The following PARP8 variants were observed in gnomAD, a reference collection of about 807,000 sequenced individuals.
PARP8 encodes the protein protein mono-ADP-ribosyltransferase PARP8.
A neutral mutation model predicts 124.1 loss-of-function variants in PARP8; 51 were observed. The observed-to-expected ratio is 0.41, with a 90% confidence interval of 0.33 to 0.52. The LOEUF (loss-of-function observed/expected upper bound fraction) is 0.52. Among genes scored for constraint, PARP8 ranks in the 20% least tolerant of loss-of-function variants. The pLI is 0.21. For missense variants in PARP8, 860 were observed against 1,018.9 expected, an observed-to-expected ratio of 0.84 and a Z score of 2.12; for synonymous variants, 391 against 361.5, an observed-to-expected ratio of 1.08 and a Z score of -0.93.
At chr5:50,725,165 T>A (rs575594924) in intron 2 of PARP8, among the ~76,000 whole-genome samples, 185 of 151,484 alleles carry the variant, frequency 1.2e-3, no homozygotes, top group Admixed American at 4.7e-3. Context: ...TATATATATA[T>A]AAAACATGTT....
intron 15 of PARP8, 55 bp downstream of exon 15, chr5:50,815,579 G>T (rs1292337222): frequency 2.3e-6 from 3 of 1,288,876 alleles, no homozygotes; most frequent in Non-Finnish European, 3.2e-6. Context: ...ATTTGTTCCA[G>T]TCCACTAGTT....
At chr5:50,745,680 A>C (rs560379344) in intron 2 of PARP8, among the ~76,000 whole-genome samples, 1 of 152,194 alleles carries the variant, frequency 6.6e-6, no homozygotes, top group Non-Finnish European at 1.5e-5. Flanking sequence ...AAATGAAGCA[A>C]TTGCCATTGG....
chr5:50,786,857 C>G (rs1488537367), intron 9 of PARP8, among the ~76,000 whole-genome samples: 2 of 152,132 alleles, frequency 1.3e-5, no homozygotes, highest in East Asian at 1.9e-4. Flanking sequence ...TATATATACT[C>G]TGTTCCAAAT....
At chr5:50,837,140 A>G (rs1426347281) in intron 25 of PARP8, among the ~76,000 whole-genome samples, 2 of 152,152 alleles carry the variant, frequency 1.3e-5, no homozygotes, top group African/African-American at 2.4e-5. Context: ...AAATCATGTG[A>G]ATAAAAGAGA....
At chr5:50,754,483 T>C (rs2149562703) in intron 3 of PARP8, among the ~76,000 whole-genome samples, 1 of 152,172 alleles carries the variant, frequency 6.6e-6, no homozygotes, top group East Asian at 1.9e-4. Flanking sequence ...GGTTTCCAGC[T>C]TCATCCATGT....
intron 15 of PARP8, among the ~76,000 whole-genome samples, chr5:50,818,674 C>G (rs1357175858): frequency 6.6e-6 from 1 of 152,034 alleles, no homozygotes; most frequent in East Asian, 1.9e-4. Flanking sequence ...CCACCACACC[C>G]AGCCTTTTAT....
intron 2 of PARP8, among the ~76,000 whole-genome samples, chr5:50,721,873 TTC>T (rs1225892687): frequency 4.6e-5 from 7 of 152,116 alleles, no homozygotes; most frequent in African/African-American, 1.4e-4. Flanking sequence ...TCTGATTTTT[TTC>T]TGTCTTCTTT....
At chr5:50,696,392 T>TTG (rs1753028467) in intron 2 of PARP8, among the ~76,000 whole-genome samples, 1 of 152,196 alleles carries the variant, frequency 6.6e-6, no homozygotes, top group South Asian at 2.1e-4. Context: ...CCATAGTTTA[T>TTG]TGTGTGTGGA....
chr5:50,809,425 T>TATAC (rs1554066301), intron 14 of PARP8, among the ~76,000 whole-genome samples: 1 of 152,092 alleles, frequency 6.6e-6, no homozygotes, highest in Non-Finnish European at 1.5e-5. Flanking sequence ...AAACAGTGGA[T>TATAC]ATACAAATCA....
chr5:50,817,620 T>G (rs929649960), intron 15 of PARP8, among the ~76,000 whole-genome samples: 7 of 152,142 alleles, frequency 4.6e-5, no homozygotes, highest in Non-Finnish European at 1.5e-5. Flanking sequence ...AACAGAATAG[T>G]TCCATTTTAT....
Position 50,666,935 on chromosome 5 carries a change from C to A in PARP8, c.-161C>A. The A allele has an allele frequency of 6.9e-7, 1 of 1,442,956 alleles. No homozygotes were observed. Among genetic ancestry groups the A allele is most frequent in the South Asian group, 1.4e-5 (1 of 70,570 alleles). 89.4% of individuals were successfully genotyped at this position (1,442,956 alleles called of 1,614,324 possible). On this transcript the variant is annotated 5_prime_UTR_variant, in exon 1 of 26. Coordinates refer to ENST00000281631, the MANE Select transcript of PARP8 (RefSeq NM_024615.4). ...CCTCCTCCTCCCCCTCCTCCTCCTC[C>A]TCTTCTCTCACCCAGGATCACTTCC...
At chr5:50,769,812 G>T (rs1250185133) in intron 7 of PARP8, among the ~76,000 whole-genome samples, 4 of 151,852 alleles carry the variant, frequency 2.6e-5, no homozygotes, top group African/African-American at 9.7e-5. Flanking sequence ...TAAGCAAAAA[G>T]AATCATCTCC....
chr5:50,781,181 T>C (rs878895847), intron 9 of PARP8, among the ~76,000 whole-genome samples: 1 of 152,190 alleles, frequency 6.6e-6, no homozygotes, highest in Non-Finnish European at 1.5e-5. Context: ...CTGAGTGAAT[T>C]TTTTTCGTGA....
intron 7 of PARP8, among the ~76,000 whole-genome samples, chr5:50,775,786 G>GT (rs1483208865): frequency 6.6e-6 from 1 of 152,040 alleles, no homozygotes; most frequent in Non-Finnish European, 1.5e-5. Flanking sequence ...TAGTTTTACA[G>GT]TTTTTTTGGT....
chr5:50,714,664 G>C (rs530653547), intron 2 of PARP8, among the ~76,000 whole-genome samples: 1 of 152,260 alleles, frequency 6.6e-6, no homozygotes, highest in South Asian at 2.1e-4. Context: ...ATTGGAAGCT[G>C]TGGGGTGCCC....
chr5:50,703,670 G>C (rs1753824620), intron 2 of PARP8, among the ~76,000 whole-genome samples: 1 of 152,050 alleles, frequency 6.6e-6, no homozygotes, highest in Admixed American at 6.6e-5. Flanking sequence ...CCACTTTCCA[G>C]GCTCTTCAGT....
At chr5:50,840,797 T>C (rs9632392) in intron 25 of PARP8, among the ~76,000 whole-genome samples, 13,506 of 151,912 alleles carry the variant, frequency 0.089, 725 homozygotes, top group East Asian at 0.12. Flanking sequence ...TGAGAAAATA[T>C]TTGTAATTGG....
In PARP8 at chr5:50,763,119, G is replaced by T; in HGVS notation, c.424-29G>T. On this transcript the variant is annotated intron_variant, in intron 6 of 25. Transcript: ENST00000281631. ...AGTTTTTGATTCTGTTCACTTCTGA[G>T]ACACTTTTAAATTATCCCTTTTCAT... 1.9e-6 allele frequency: 3 copies of T among 1,549,590 alleles called. No homozygotes were observed. In the South Asian group the frequency reaches 3.4e-5, roughly 17 times the overall value.
chr5:50,741,450 G>A (rs1758032697), intron 2 of PARP8, among the ~76,000 whole-genome samples: 1 of 152,168 alleles, frequency 6.6e-6, no homozygotes, highest in Non-Finnish European at 1.5e-5. Flanking sequence ...CCATTATAAA[G>A]CTTGCATCAA....
Sources: allele counts gnomAD v4.1 joint callset (sites outside exome capture counted in the v4.1 genomes callset), GRCh38; gene constraint gnomAD v4.1.1; transcripts MANE v1.5; gene names NCBI Gene and HGNC (gene_info 2026-07-23, HGNC 2026-07-21).